Variants in SLIT3 observed in about 807,000 individuals in gnomAD.
SLIT3 encodes slit guidance ligand 3.
A neutral mutation model predicts 184.0 loss-of-function variants in SLIT3; 68 were observed. That is an observed-to-expected ratio of 0.37 (90% CI 0.30 to 0.45). The LOEUF is 0.45. SLIT3 is among the 20% of genes least tolerant of loss of function. SLIT3 has a pLI of 1.00. For missense variants in SLIT3, 1,707 were observed against 2,026.0 expected, an observed-to-expected ratio of 0.84 and a Z score of 3.02; for synonymous variants, 831 against 828.6, an observed-to-expected ratio of 1.00 and a Z score of -0.05.
chr5:169,244,454 C>G (rs369999261), intron 3 of SLIT3, among the ~76,000 whole-genome samples: 1 of 152,126 alleles, frequency 6.6e-6, no homozygotes, highest in Non-Finnish European at 1.5e-5. Flanking sequence ...AGAGCTCAAG[C>G]CTGAGAAGAA....
chr5:169,198,691 TG>T (rs1225540170), intron 3 of SLIT3, among the ~76,000 whole-genome samples: 1 of 152,116 alleles, frequency 6.6e-6, no homozygotes, highest in African/African-American at 2.4e-5. Context: ...CCCAGCACTT[TG>T]GGAGGCCAAG....
intron 4 of SLIT3, among the ~76,000 whole-genome samples, chr5:168,910,617 G>A (rs866758651): frequency 2.0e-5 from 3 of 151,868 alleles, no homozygotes; most frequent in African/African-American, 7.3e-5. Flanking sequence ...GTGGTGGCAG[G>A]CGCCTGTAGT....
chr5:168,896,040 A>AG (rs1234906142), intron 4 of SLIT3, among the ~76,000 whole-genome samples: 1 of 152,296 alleles, frequency 6.6e-6, no homozygotes, highest in East Asian at 1.9e-4. Context: ...GGTAGGAGGC[A>AG]GGGGGGAAAC....
chr5:168,941,785 G>A (rs1762341402), intron 4 of SLIT3, among the ~76,000 whole-genome samples: 1 of 152,178 alleles, frequency 6.6e-6, no homozygotes, highest in Non-Finnish European at 1.5e-5. Context: ...GAGCCCCTCT[G>A]AACATAACTT....
At chr5:169,165,689 C>G (rs1402821646) in intron 4 of SLIT3, among the ~76,000 whole-genome samples, 1 of 152,178 alleles carries the variant, frequency 6.6e-6, no homozygotes, top group Non-Finnish European at 1.5e-5. Flanking sequence ...CCTTCCTTGG[C>G]TACCTTATCT....
intron 20 of SLIT3, among the ~76,000 whole-genome samples, chr5:168,724,919 G>A (rs555986769): frequency 6.6e-6 from 1 of 152,314 alleles, no homozygotes; most frequent in South Asian, 2.1e-4. Flanking sequence ...CAGCAAGCAA[G>A]TGGTTGAGCT....
intron 4 of SLIT3, among the ~76,000 whole-genome samples, chr5:169,135,905 T>A (rs1397892900): frequency 1.3e-5 from 2 of 152,204 alleles, no homozygotes; most frequent in African/African-American, 2.4e-5. Context: ...ACAGCCTTGG[T>A]ACACAGAAGA....
intron 5 of SLIT3, among the ~76,000 whole-genome samples, chr5:168,852,853 A>T (rs190648147): frequency 1.2e-3 from 186 of 152,350 alleles, no homozygotes; most frequent in African/African-American, 3.7e-3. Context: ...TTAGTCCAAA[A>T]GGAATTTTTG....
intron 4 of SLIT3, among the ~76,000 whole-genome samples, chr5:168,956,313 A>G (rs2113263409): frequency 6.6e-6 from 1 of 152,372 alleles, no homozygotes; most frequent in African/African-American, 2.4e-5. Flanking sequence ...TCGGAGTACT[A>G]GAAAGTTAAG....
At chr5:169,009,421 C>A (rs948899289) in intron 4 of SLIT3, among the ~76,000 whole-genome samples, 1 of 152,200 alleles carries the variant, frequency 6.6e-6, no homozygotes, top group African/African-American at 2.4e-5. Context: ...ACAGGCTCTT[C>A]CCTCCTCGCC....
intron 5 of SLIT3, among the ~76,000 whole-genome samples, chr5:168,854,063 T>A (rs573686518): frequency 6.6e-6 from 1 of 152,260 alleles, no homozygotes; most frequent in East Asian, 1.9e-4. Flanking sequence ...GAGAGGTTGT[T>A]ATGTAGCATC....
chr5:168,991,552 AC>A (rs1755329837), intron 4 of SLIT3, among the ~76,000 whole-genome samples: 1 of 151,806 alleles, frequency 6.6e-6, no homozygotes, highest in Non-Finnish European at 1.5e-5. Flanking sequence ...TGCCCCCACC[AC>A]CCCCAGCAGC....
intron 11 of SLIT3, among the ~76,000 whole-genome samples, chr5:168,787,269 G>C (rs1376872682): frequency 6.6e-6 from 1 of 152,224 alleles, no homozygotes; most frequent in African/African-American, 2.4e-5. Context: ...AGGACTTCTA[G>C]TGTAGCAGAA....
intron 3 of SLIT3, among the ~76,000 whole-genome samples, chr5:169,230,612 G>A (rs145091071): frequency 1.5e-3 from 225 of 152,158 alleles, no homozygotes; most frequent in African/African-American, 5.1e-3. Context: ...AACTTTAAAC[G>A]TTGCACTCCG....
chr5:169,078,178 C>CA (rs1758820926), intron 4 of SLIT3, among the ~76,000 whole-genome samples: 1 of 152,176 alleles, frequency 6.6e-6, no homozygotes, highest in Admixed American at 6.5e-5. Flanking sequence ...CATCAGGTTA[C>CA]AAATACAGGG....
chr5:169,143,723 C>G (rs1317359090), intron 4 of SLIT3, among the ~76,000 whole-genome samples: 1 of 152,150 alleles, frequency 6.6e-6, no homozygotes, highest in African/African-American at 2.4e-5. Context: ...ATCACTTGAA[C>G]CTGGGAGGTG....
intron 8 of SLIT3, among the ~76,000 whole-genome samples, chr5:168,810,675 G>A (rs1757131818): frequency 1.3e-5 from 2 of 152,174 alleles, no homozygotes; most frequent in Non-Finnish European, 2.9e-5. Context: ...TGTGCCAAAC[G>A]GGGCAGAAAC....
intron 6 of SLIT3, among the ~76,000 whole-genome samples, chr5:168,840,447 T>TC (rs1441677767): frequency 1.3e-5 from 2 of 152,042 alleles, no homozygotes; most frequent in Non-Finnish European, 2.9e-5. Flanking sequence ...TTAAGCATTT[T>TC]TTTTTTTTTC....
intron 4 of SLIT3, chr5:168,993,210 C>A (rs1755391888): frequency 6.6e-6 from 1 of 152,284 alleles, no homozygotes; most frequent in Non-Finnish European, 1.5e-5. Context: ...ACTGAGGAAT[C>A]CCGAGATGTC....
Sources: gnomAD v4.1 joint callset for allele counts (sites outside exome capture counted in the v4.1 genomes callset) on GRCh38, gnomAD v4.1.1 for gene constraint, MANE v1.5 for transcripts, NCBI Gene and HGNC (gene_info 2026-07-23, HGNC 2026-07-21) for gene names.